The following RAMP1 variants were observed in gnomAD, a reference collection of about 807,000 sequenced individuals.
RAMP1 encodes receptor activity-modifying protein 1.
In RAMP1, 7 loss-of-function variants were observed where a neutral mutation model predicts 8.2. That is an observed-to-expected ratio of 0.85 (90% CI 0.49 to 1.60). The LOEUF (loss-of-function observed/expected upper bound fraction) is 1.60, where lower values mean the gene tolerates loss of function less well. RAMP1 is among the 40% of genes most tolerant of loss of function. The probability of loss-of-function intolerance (pLI) is 0.00; values close to 1 mark genes in which losing one functional copy is unlikely to be tolerated. For synonymous variants in RAMP1, 92 were observed against 84.7 expected, an observed-to-expected ratio of 1.09 and a Z score of -0.47; for missense variants, 192 against 202.4, an observed-to-expected ratio of 0.95 and a Z score of 0.31.
At chr2:237,888,056 TG>T (rs1033281880) in intron 2 of RAMP1, among the ~76,000 whole-genome samples, 7 of 151,946 alleles carry the variant, frequency 4.6e-5, no homozygotes, top group African/African-American at 1.7e-4. Flanking sequence ...TCTGTGGTTC[TG>T]GGGGGTTTTT....
upstream of RAMP1, among the ~76,000 whole-genome samples, chr2:237,859,290 G>A (rs1172770018): frequency 3.9e-5 from 6 of 152,324 alleles, no homozygotes. Flanking sequence ...CCAGAACCTC[G>A]GAGGAGGAGG....
At position 237,878,239 on chromosome 2, in the gene RAMP1, C is replaced by T. The variant is rs1220718869; in HGVS notation, c.191+877C>T. On this transcript the variant is annotated intron_variant, in intron 2 of 2. Coordinates refer to ENST00000254661, the MANE Select transcript of RAMP1 (RefSeq NM_005855.4). The surrounding 1 kb of genome is among the most constrained non-coding windows in gnomAD (Gnocchi z 5.7). ...GTCCTGGTGCCCCACCGATGACAAG[C>T]GCTTTCCCCAGTGCCTGAGAGAAAG... 5 of 945,822 alleles carry T rather than the reference C, an allele frequency of 5.3e-6. No homozygotes were observed. The highest frequency in any genetic ancestry group is 2.3e-4 in the East Asian group (2 of 8,620). The allele number at this position is 945,822 out of a possible 1,614,324, so 58.6% of individuals were successfully genotyped here.
intron 1 of RAMP1, chr2:237,869,804 G>A (rs1444575611): frequency 2.0e-5 from 3 of 152,200 alleles, no homozygotes; most frequent in Non-Finnish European, 4.4e-5. Context: ...TCATTAGGTG[G>A]TTCTGTGTTT....
At chr2:237,908,876 G>C (rs1008228219) in intron 2 of RAMP1, among the ~76,000 whole-genome samples, 1 of 152,164 alleles carries the variant, frequency 6.6e-6, no homozygotes, top group Non-Finnish European at 1.5e-5. Flanking sequence ...AGGCTGTGCT[G>C]TTCCTCCCTC....
chr2:237,866,229 TG>T (rs1163938552), intron 1 of RAMP1, among the ~76,000 whole-genome samples: 1 of 152,180 alleles, frequency 6.6e-6, no homozygotes, highest in Non-Finnish European at 1.5e-5. Context: ...TCCGGTGCTC[TG>T]TGGCCACTAC....
chr2:237,880,711 G>A (rs2151010900), intron 2 of RAMP1, among the ~76,000 whole-genome samples: 2 of 152,328 alleles, frequency 1.3e-5, no homozygotes, highest in East Asian at 3.8e-4. Context: ...GCATTCTTGA[G>A]GCAGAATTTC....
intron 2 of RAMP1, among the ~76,000 whole-genome samples, chr2:237,885,967 G>A (rs575079040): frequency 5.1e-4 from 77 of 152,332 alleles, no homozygotes; most frequent in Non-Finnish European, 8.7e-4. Context: ...GGTCCTCGAA[G>A]ACTCCAGGCT....
intron 2 of RAMP1, among the ~76,000 whole-genome samples, chr2:237,903,061 G>T (rs1193877937): frequency 6.6e-6 from 1 of 152,128 alleles, no homozygotes; most frequent in African/African-American, 2.4e-5. Context: ...GTCTCACTAG[G>T]TTGCCCAGGC....
chr2:237,895,609 C>T (rs777152568), intron 2 of RAMP1, among the ~76,000 whole-genome samples: 15 of 152,132 alleles, frequency 9.9e-5, no homozygotes, highest in Admixed American at 2.0e-4. Context: ...TGGTGCAGGG[C>T]GCCCCGTGGG....
rs80068660 is a variant in RAMP1 at position 237,868,617 on chromosome 2, T to G, written c.53-8607T>G. Among the ~76,000 whole-genome samples, 870 of 151,608 alleles carry G rather than the reference T, an allele frequency of 5.7e-3. 14 individuals carry two copies. In the East Asian group the frequency reaches 0.062, roughly 11 times the overall value. On this transcript the variant is annotated intron_variant, in intron 1 of 2. Transcript: ENST00000254661. Reference sequence around the variant, plus strand: ...AAAAAAAAAAAACAGTTCCTGAGTTTACTTACTCTACACTTTTTCTTGAAT... The same window carrying G: ...AAAAAAAAAAAACAGTTCCTGAGTTGACTTACTCTACACTTTTTCTTGAAT...
At chr2:237,909,111 C>T (rs944323353) in intron 2 of RAMP1, among the ~76,000 whole-genome samples, 11 of 152,278 alleles carry the variant, frequency 7.2e-5, no homozygotes, top group South Asian at 2.1e-4. Context: ...CTCTGGCTTA[C>T]GGATGCCCAC....
intron 2 of RAMP1, among the ~76,000 whole-genome samples, chr2:237,893,319 G>A (rs900599042): frequency 6.6e-6 from 1 of 152,132 alleles, no homozygotes; most frequent in Non-Finnish European, 1.5e-5. Flanking sequence ...ATTCTTTTTG[G>A]TTTAAACATT....
chr2:237,862,117 G>A lies in RAMP1; in HGVS notation c.52+2390G>A, dbSNP rs185685965. Among the ~76,000 whole-genome samples the A allele has an allele frequency of 1.3e-5, 2 of 152,230 alleles. No homozygotes were observed. The highest frequency in any genetic ancestry group is 1.3e-4 in the Admixed American group (2 of 15,304). On this transcript the variant is annotated intron_variant, in intron 1 of 2. Coordinates refer to ENST00000254661, the MANE Select transcript of RAMP1 (RefSeq NM_005855.4). The surrounding 1 kb of genome is among the most constrained non-coding windows in gnomAD (Gnocchi z 4.0). Reference sequence around the variant, plus strand: ...CGCATGCCTTCCTTGGCTGTCACGTGGGAGCCAGGGGTTTTTTTAATGGCT... The same window carrying A: ...CGCATGCCTTCCTTGGCTGTCACGTAGGAGCCAGGGGTTTTTTTAATGGCT...
At chr2:237,910,116 C>A (rs1461491079) in intron 2 of RAMP1, among the ~76,000 whole-genome samples, 1 of 152,072 alleles carries the variant, frequency 6.6e-6, no homozygotes, top group Non-Finnish European at 1.5e-5. Flanking sequence ...GTGGTGAAGT[C>A]CATATGGGGT....
chr2:237,861,804 T>C (rs1315206393), intron 1 of RAMP1, among the ~76,000 whole-genome samples: 7 of 150,924 alleles, frequency 4.6e-5, no homozygotes, highest in Non-Finnish European at 8.8e-5. Flanking sequence ...TGAGCTGAGA[T>C]CATGCCACTG....
Position 237,867,877 on chromosome 2 carries a change from T to C in RAMP1, c.52+8150T>C, listed in dbSNP as rs376309678. 5.3e-5 allele frequency among the ~76,000 whole-genome samples: 8 copies of C among 152,294 alleles called. No individual in the cohort carries two copies. In the East Asian group the frequency reaches 1.5e-3, roughly 29 times the overall value. On this transcript the variant is annotated intron_variant, in intron 1 of 2. Transcript: ENST00000254661. ...AGGTTGTGGACCCTTATTCTTTCCC[T>C]GTGTGCTAGGATAGTCAGGATGATG...
intron 1 of RAMP1, among the ~76,000 whole-genome samples, chr2:237,863,880 C>T (rs1467108620): frequency 2.0e-5 from 3 of 152,150 alleles, no homozygotes; most frequent in East Asian, 1.9e-4. Flanking sequence ...ACCCCAGGCC[C>T]CGGCTGTCCA....
At chr2:237,876,317 AG>A (rs2062302772) in intron 1 of RAMP1, among the ~76,000 whole-genome samples, 1 of 152,196 alleles carries the variant, frequency 6.6e-6, no homozygotes, top group South Asian at 2.1e-4. Context: ...CATGAGGCCC[AG>A]GGGGCCAGGC....
Position 237,876,556 on chromosome 2 carries a change from G to A in RAMP1, c.53-668G>A, listed in dbSNP as rs372323127. Among the ~76,000 whole-genome samples, 45 of 152,314 alleles carry A rather than the reference G, an allele frequency of 3.0e-4. No homozygotes were observed. The South Asian group carries it at 8.9e-3, about 30-fold the overall frequency. The stretch of plus-strand genomic sequence containing the variant: ...GAATGCAAAGCTTCTGCCCCCAGCT[G>A]CCCTACGAGGTGGCCAAGAAAGAGA... On this transcript the variant is annotated intron_variant, in intron 1 of 2. Coordinates refer to ENST00000254661, the MANE Select transcript of RAMP1 (RefSeq NM_005855.4).
Sources: allele counts gnomAD v4.1 joint callset (sites outside exome capture counted in the v4.1 genomes callset), GRCh38; gene constraint gnomAD v4.1.1; non-coding constraint Gnocchi (gnomAD v3.1); transcripts MANE v1.5; gene names NCBI Gene and HGNC (gene_info 2026-07-23, HGNC 2026-07-21).